Variants in HSPA12A observed in about 807,000 individuals in gnomAD.
The protein encoded by HSPA12A is heat shock protein family A (Hsp70) member 12A.
In HSPA12A, 28 loss-of-function variants were observed where a neutral mutation model predicts 69.2. That is an observed-to-expected ratio of 0.40 (90% confidence interval 0.30 to 0.55). The LOEUF is 0.55. Among genes scored for constraint, HSPA12A ranks in the 20% least tolerant of loss-of-function variants. The pLI is 0.38. For synonymous variants in HSPA12A, 345 were observed against 370.5 expected (o/e 0.93, Z 0.79); for missense variants, 686 against 900.7 (o/e 0.76, Z 3.05).
intron 1 of HSPA12A, among the ~76,000 whole-genome samples, chr10:116,836,124 G>T (rs933378180): frequency 6.6e-6 from 1 of 152,158 alleles, no homozygotes; most frequent in Non-Finnish European, 1.5e-5. Context: ...CCCATAGGAG[G>T]TGTCTGTTTT....
At chr10:116,773,879 AG>A (rs1844270385) in intron 2 of HSPA12A, among the ~76,000 whole-genome samples, 1 of 152,190 alleles carries the variant, frequency 6.6e-6, no homozygotes, top group Non-Finnish European at 1.5e-5. Context: ...GAGGACTTGG[AG>A]CCAGGAGACC....
At chr10:116,847,161 C>A (rs1284544700) in intron 1 of HSPA12A, among the ~76,000 whole-genome samples, 1 of 152,170 alleles carries the variant, frequency 6.6e-6, no homozygotes, top group Non-Finnish European at 1.5e-5. Flanking sequence ...AACCAGATGA[C>A]GCACTGATCC....
intron 10 of HSPA12A, among the ~76,000 whole-genome samples, chr10:116,678,575 T>G (rs961354577): frequency 1.9e-5 from 2 of 107,652 alleles, no homozygotes; most frequent in Non-Finnish European, 3.6e-5. Flanking sequence ...ATTTGGATGT[T>G]GGTACAAAGT....
intron 2 of HSPA12A, among the ~76,000 whole-genome samples, chr10:116,752,241 C>A (rs1198419161): frequency 1.3e-5 from 2 of 152,166 alleles, no homozygotes; most frequent in Non-Finnish European, 2.9e-5. Flanking sequence ...AGTAGCCCTG[C>A]CAAGAGCCTG....
intron 1 of HSPA12A, among the ~76,000 whole-genome samples, chr10:116,729,874 T>G (rs190341104): frequency 6.6e-6 from 1 of 152,340 alleles, no homozygotes; most frequent in African/African-American, 2.4e-5. Context: ...CCAGCTCCAC[T>G]CCCTAATATC....
intron 5 of HSPA12A, among the ~76,000 whole-genome samples, chr10:116,693,523 C>T (rs1849798221): frequency 6.6e-6 from 1 of 152,212 alleles, no homozygotes; most frequent in Non-Finnish European, 1.5e-5. Context: ...CCTTTCTCTT[C>T]CCCTTGCCAC....
rs560978815 is a variant in HSPA12A at position 116,683,770 on chromosome 10, G to GGA, written c.835+19_835+20dup. 1.4e-4 allele frequency: 209 copies of GGA among 1,506,820 alleles called. No individual in the cohort carries two copies. The African/African-American group carries it at 2.4e-3, about 18-fold the overall frequency. 93.3% of individuals were successfully genotyped at this position (1,506,820 alleles called of 1,614,324 possible). On this transcript the variant is annotated intron_variant, in intron 7 of 11. Coordinates refer to ENST00000369209, the MANE Select transcript of HSPA12A (RefSeq NM_025015.3). ...TTGGGAAGGAAGGAGAGCAGGAGGG[G>GGA]GAGAGAGAGAGCAGAGGTACCCTGT...
chr10:116,786,502 T>C (rs1410732524), intron 2 of HSPA12A, among the ~76,000 whole-genome samples: 3 of 152,030 alleles, frequency 2.0e-5, no homozygotes, highest in Non-Finnish European at 4.4e-5. Context: ...ATCTAAGAAA[T>C]GTCTAAAGCA....
chr10:116,685,463 C>T lies in HSPA12A; in HGVS notation c.664-1501G>A, dbSNP rs539967490. ...CAGCCTGGCCAAGATGGTGAAACCC[C>T]GTCTCTACTAAAAAAAAAAAATAGC... On this transcript the variant is annotated intron_variant, in intron 6 of 11. Transcript: ENST00000369209. Among the ~76,000 whole-genome samples, 16 of 151,120 alleles carry T rather than the reference C, an allele frequency of 1.1e-4. No individual in the cohort carries two copies. The East Asian group carries it at 1.4e-3, about 13-fold the overall frequency.
At chr10:116,684,036 C>T in intron 6 of HSPA12A, 74 bp from the exon 7 acceptor site, 2 of 1,315,212 alleles carry the variant, frequency 1.5e-6, no homozygotes, top group Non-Finnish European at 2.0e-6. Context: ...CGTGCCTGGA[C>T]TGACATCCCT....
At chr10:116,685,465 T>C (rs1328599662) in intron 6 of HSPA12A, among the ~76,000 whole-genome samples, 2 of 150,254 alleles carry the variant, frequency 1.3e-5, no homozygotes, top group Admixed American at 6.7e-5. Flanking sequence ...TGAAACCCCG[T>C]CTCTACTAAA....
chr10:116,763,488 C>T (rs880002690), intron 2 of HSPA12A, among the ~76,000 whole-genome samples: 5 of 152,198 alleles, frequency 3.3e-5, no homozygotes, highest in East Asian at 1.9e-4. Context: ...CTGCATACAT[C>T]GCTTCTGTTT....
chr10:116,742,771 C>A (rs1253607367), upstream of HSPA12A, among the ~76,000 whole-genome samples: 2 of 151,916 alleles, frequency 1.3e-5, no homozygotes, highest in African/African-American at 4.8e-5. Flanking sequence ...GAGGCCCGGC[C>A]TCTCCTCTCC....
chr10:116,729,137 G>A (rs1554885398), intron 1 of HSPA12A, among the ~76,000 whole-genome samples: 1 of 152,178 alleles, frequency 6.6e-6, no homozygotes, highest in African/African-American at 2.4e-5. Flanking sequence ...GCATTGCCCA[G>A]CCCAAGGACT....
chr10:116,729,945 C>T (rs1280838937), intron 1 of HSPA12A, among the ~76,000 whole-genome samples: 5 of 152,180 alleles, frequency 3.3e-5, no homozygotes, highest in African/African-American at 1.2e-4. Context: ...GATGGCCAGG[C>T]GTGGTGGCTT....
At chr10:116,696,167 C>T (rs1554880871) in intron 5 of HSPA12A, among the ~76,000 whole-genome samples, 3 of 152,078 alleles carry the variant, frequency 2.0e-5, no homozygotes, top group South Asian at 2.1e-4. Context: ...CTTGGACTTC[C>T]CAGCCTCCAG....
chr10:116,795,634 C>A (rs1264224316), intron 2 of HSPA12A, among the ~76,000 whole-genome samples: 1 of 141,682 alleles, frequency 7.1e-6, no homozygotes, highest in Non-Finnish European at 1.5e-5. Context: ...TGCAATGAGC[C>A]GAGATCGTGC....
intron 2 of HSPA12A, among the ~76,000 whole-genome samples, chr10:116,808,323 G>T (rs1024666155): frequency 1.5e-5 from 2 of 133,984 alleles, no homozygotes; most frequent in Non-Finnish European, 3.2e-5. Context: ...GGGCTGGGGG[G>T]CAGCCAGGAA....
Position 116,742,522 on chromosome 10 carries a change from G to C in HSPA12A, c.-53C>G. The C allele has an allele frequency of 2.5e-6, 3 of 1,216,456 alleles. No individual in the cohort carries two copies. The highest frequency in any genetic ancestry group is 2.0e-6 in the Non-Finnish European group (2 of 976,718). The allele number at this position is 1,216,456 out of a possible 1,614,324, so 75.4% of individuals were successfully genotyped here. ...AGCCTCCAGCGCAGCGCCCGTGCCC[G>C]TGCGGGTCTCTGTCCGCGTCCGCGG... On this transcript the variant is annotated 5_prime_UTR_variant, in exon 1 of 12. Transcript: ENST00000369209.
Sources: allele counts gnomAD v4.1 joint callset (sites outside exome capture counted in the v4.1 genomes callset), GRCh38; gene constraint gnomAD v4.1.1; transcripts MANE v1.5; gene names NCBI Gene and HGNC (gene_info 2026-07-23, HGNC 2026-07-21).